Variants in LCE1E observed in about 807,000 individuals in gnomAD.
LCE1E encodes late cornified envelope protein 1E.
For missense variants in LCE1E, 144 were observed against 144.3 expected (o/e 1.00, Z 0.01); for synonymous variants, 61 against 55.0 (o/e 1.11, Z -0.48).
At position 152,787,325 on chromosome 1, in the gene LCE1E, A is replaced by G; in HGVS notation, c.26A>G (p.Gln9Arg). 2 of 1,614,168 alleles carry G rather than the reference A, an allele frequency of 1.2e-6. No homozygotes were observed. The highest frequency in any genetic ancestry group is 2.2e-5 in the East Asian group (1 of 44,870). ...ATGTCCTGCCAGCAGAGCCAGCAGC[A>G]GTGCCAGCCCCCTCCCAAGTGCACT... MSCQQSQQQCQPPPKCTPK... is the reference protein window; with the variant it reads MSCQQSQQRCQPPPKCTPK... Residue 9 changes from glutamine to arginine, a missense_variant, in exon 2 of 2, where the codon CAG (glutamine) becomes CGG (arginine). Coordinates refer to ENST00000368770, the MANE Select transcript of LCE1E (RefSeq NM_178353.2).
intron 1 of LCE1E, 77 bp from the exon 2 acceptor site, chr1:152,787,201 A>G: frequency 3.1e-6 from 4 of 1,300,002 alleles, no homozygotes; most frequent in Middle Eastern, 2.3e-4. Flanking sequence ...TTCCATAATT[A>G]CAAGTCATGC....
chr1:152,786,485 T>A (rs1272634201), intron 1 of LCE1E, 178 bp downstream of exon 1: 3 of 152,052 alleles, frequency 2.0e-5, no homozygotes, highest in Admixed American at 6.6e-5. Flanking sequence ...GGTGGAGCAG[T>A]CCTCTCAGGA....
Position 152,787,723 on chromosome 1 carries a change from G to C in LCE1E, c.*67G>C. 1 of 1,498,460 alleles carries C rather than the reference G, an allele frequency of 6.7e-7. No individual in the cohort carries two copies. Among genetic ancestry groups the C allele is most frequent in the Non-Finnish European group, 8.9e-7 (1 of 1,120,026 alleles). The allele number at this position is 1,498,460 out of a possible 1,614,324, so 92.8% of individuals were successfully genotyped here. On this transcript the variant is annotated 3_prime_UTR_variant, in exon 2 of 2. Coordinates refer to ENST00000368770, the MANE Select transcript of LCE1E (RefSeq NM_178353.2). Reference sequence around the variant, plus strand: ...AGCTGAGAGGTTCCAGCAAAAGCTTGAAGTCTTGCCTGGAGAATCCCTCTG... The same window carrying C: ...AGCTGAGAGGTTCCAGCAAAAGCTTCAAGTCTTGCCTGGAGAATCCCTCTG...
At chr1:152,787,218 T>C in intron 1 of LCE1E, 60 bp from the exon 2 acceptor site, 2 of 1,434,536 alleles carry the variant, frequency 1.4e-6, no homozygotes, top group Non-Finnish European at 1.9e-6. Flanking sequence ...ATGCTAAGAG[T>C]GTCAGAGGGG....
At chr1:152,787,202 C>T (rs1034109) in intron 1 of LCE1E, 76 bp from the exon 2 acceptor site, 645,953 of 1,293,290 alleles carry the variant, frequency 0.5, 164,881 homozygotes, top group African/African-American at 0.72. Flanking sequence ...TCCATAATTA[C>T]AAGTCATGCT....
Position 152,787,432 on chromosome 1 carries a change from A to G in LCE1E, c.133A>G (p.Ser45Gly), listed in dbSNP as rs200574179. ...GTGCCCTCCAGTCTCTTCCTGCTGC[A>G]GTGTCAGCTCCGGAGGCTGCTGTGG... ...PKCPPVSSCC[S>G]VSSGGCCGSS... The change falls in exon 2 of 2, where the codon AGT becomes GGT. Residue 45 changes from serine (S) to glycine (G), a missense_variant. Physicochemically the swap from Ser to Gly is moderately conservative, Grantham distance 56 (BLOSUM62 0). Transcript: ENST00000368770. The G allele has an allele frequency of 5.1e-5, 83 of 1,613,452 alleles. 1 individual carries two copies. Among genetic ancestry groups the G allele is most frequent in the Middle Eastern group, 1.7e-4 (1 of 6,056 alleles).
rs774318737 is a variant in LCE1E, at chr1:152,787,407, G to C, written c.108G>C (p.Lys36Asn). 16 of 1,613,902 alleles carry C rather than the reference G, an allele frequency of 9.9e-6. No homozygotes were observed. The South Asian group carries it at 1.6e-4, about 17-fold the overall frequency. Residue 36 changes from lysine to asparagine, a missense_variant, in exon 2 of 2, where the codon AAG becomes AAC. Physicochemically the swap from Lys to Asn is moderately conservative, Grantham distance 94. Transcript: ENST00000368770. ...AATGCCCTCCAAAGTGTCCCCCTAA[G>C]TGCCCTCCAGTCTCTTCCTGCTGCA... is the stretch of plus-strand genomic sequence containing the variant. ...TPKCPPKCPP[K>N]CPPVSSCCSV...
At chr1:152,786,946 T>C (rs1301117133) in intron 1 of LCE1E, among the ~76,000 whole-genome samples, 1 of 152,252 alleles carries the variant, frequency 6.6e-6, no homozygotes, top group Admixed American at 6.5e-5. Context: ...TTACTTTTTC[T>C]CTTTAAGAAA....
Position 152,787,620 on chromosome 1 carries a change from A to T in LCE1E, c.321A>T (p.Gly107=), listed in dbSNP as rs115864544. The T allele has an allele frequency of 0.14, 193,191 of 1,428,118 alleles. 27,484 individuals carry two copies. Among genetic ancestry groups the T allele is most frequent in the African/African-American group, 0.36 (24,181 of 68,004 alleles). 88.5% of individuals were successfully genotyped at this position (1,428,118 alleles called of 1,614,324 possible). ...CCTCAGGGGGCTCCAGCTGCTGTGG[A>T]GGGGGCAGCGGCCAGCACTCTGGAG... The part of the protein sequence containing the change: ...SQPSGGSSCC[G]GGSGQHSGGC... Residue 107 remains glycine, a synonymous_variant, in exon 2 of 2, where the codon GGA becomes GGT. Transcript: ENST00000368770.
Position 152,787,530 on chromosome 1 carries a change from G to T in LCE1E, c.231G>T (p.Leu77=), listed in dbSNP as rs146130217. 539 of 1,611,990 alleles carry T rather than the reference G, an allele frequency of 3.3e-4. 4 individuals carry two copies. In the African/African-American group the frequency reaches 6.6e-3, roughly 20 times the overall value. Residue 77 remains leucine, a synonymous_variant, in exon 2 of 2, where the codon CTG becomes CTT. Coordinates refer to ENST00000368770, the MANE Select transcript of LCE1E (RefSeq NM_178353.2). The part of the protein sequence containing the change: ...CCSSGGGGCC[L]SHHRHHRSHR... The stretch of plus-strand genomic sequence containing the variant: ...GCTCTGGGGGAGGTGGCTGCTGCCT[G>T]AGCCACCACAGGCACCACAGGTCCC...
In LCE1E at chr1:152,787,460, C is replaced by T. The variant is rs1175291373; in HGVS notation, c.161C>T (p.Ser54Phe). The change falls in exon 2 of 2, where the codon TCC (serine) becomes TTC (phenylalanine). Residue 54 changes from serine (S) to phenylalanine (F), a missense_variant. Physicochemically the swap from Ser to Phe is radical, Grantham distance 155. Coordinates refer to ENST00000368770, the MANE Select transcript of LCE1E (RefSeq NM_178353.2). ...GTCAGCTCCGGAGGCTGCTGTGGCT[C>T]CAGCTCTGGGGGCAGCTGTGGCTCC... ...CSVSSGGCCG[S>F]SSGGSCGSSS... 2 of 1,613,530 alleles carry T rather than the reference C, an allele frequency of 1.2e-6. No individual in the cohort carries two copies. The highest frequency in any genetic ancestry group is 1.1e-5 in the South Asian group (1 of 90,928).
chr1:152,786,743 T>C (rs190970526), intron 1 of LCE1E, among the ~76,000 whole-genome samples: 13 of 152,166 alleles, frequency 8.5e-5, no homozygotes, highest in Admixed American at 7.8e-4. Flanking sequence ...CCTGAGCAGG[T>C]GGTAAGCTGA....
rs1281312637 is a variant in LCE1E, at chr1:152,787,646, G to T, written c.347G>T (p.Gly116Val). 1 of 1,571,554 alleles carries T rather than the reference G, an allele frequency of 6.4e-7. No individual in the cohort carries two copies. Among genetic ancestry groups the T allele is most frequent in the Admixed American group, 1.9e-5 (1 of 53,482 alleles). Reference protein sequence around the residue: ...CGGGSGQHSGGCC With the variant: ...CGGGSGQHSGVCC ...GGGGGCAGCGGCCAGCACTCTGGAG[G>T]CTGCTGCTGAAGTGGACCTTGACTT... The change falls in exon 2 of 2, where the codon GGC becomes GTC. Residue 116 changes from glycine (G) to valine (V), a missense_variant. Coordinates refer to ENST00000368770, the MANE Select transcript of LCE1E (RefSeq NM_178353.2).
Position 152,787,570 on chromosome 1 carries a change from C to T in LCE1E, c.271C>T (p.Gln91Ter), listed in dbSNP as rs1557834986. The T allele has an allele frequency of 6.2e-7, 1 of 1,613,142 alleles. No individual in the cohort carries two copies. The highest frequency in any genetic ancestry group is 1.7e-5 in the Admixed American group (1 of 59,990). Residue 91 changes from glutamine (Q) to a stop codon, truncating the protein, a stop_gained, in exon 2 of 2, where the codon CAG becomes TAG. Transcript: ENST00000368770. LOFTEE classifies it high-confidence loss of function. ...RHHRSHRHRP[Q>*]SSDCCSQPSG... is the part of the protein sequence containing the mutation. ...CCACAGGTCCCACCGTCACAGACCC[C>T]AGAGCTCTGACTGCTGCAGCCAGCC...
In LCE1E at chr1:152,787,758, C is replaced by G. The variant is rs553233561; in HGVS notation, c.*102C>G. 3.0e-5 allele frequency: 41 copies of G among 1,370,944 alleles called. No individual in the cohort carries two copies. In the African/African-American group the frequency reaches 6.0e-4, roughly 20 times the overall value. The allele number at this position is 1,370,944 out of a possible 1,614,324, so 84.9% of individuals were successfully genotyped here. A position where few individuals can be genotyped will look rare whatever the true frequency, so the allele number is the denominator to read the frequency against. On this transcript the variant is annotated 3_prime_UTR_variant, in exon 2 of 2. Transcript: ENST00000368770. The stretch of plus-strand genomic sequence containing the variant: ...CTGGAGAATCCCTCTGCTCTGGTGT[C>G]AGGAAACCCAAAATCTTTCTCCTTA...
intron 1 of LCE1E, 143 bp from the exon 2 acceptor site, chr1:152,787,135 G>C (rs1397917491): frequency 1.2e-6 from 1 of 828,866 alleles, no homozygotes; most frequent in Non-Finnish European, 2.0e-6. Flanking sequence ...AGCTTGCAAA[G>C]AGATGATGAG....
intron 1 of LCE1E, 43 bp from the exon 2 acceptor site, chr1:152,787,235 T>C: frequency 6.6e-7 from 1 of 1,525,552 alleles, no homozygotes; most frequent in Non-Finnish European, 9.1e-7. Context: ...GGGGCAGAGG[T>C]GGCCTCTGCC....
In LCE1E at chr1:152,788,071, T is replaced by C. The variant is rs1651903849; in HGVS notation, c.*415T>C. The C allele has an allele frequency of 1.2e-5, 2 of 166,202 alleles. 1 individual carries two copies. Among genetic ancestry groups the C allele is most frequent in the Non-Finnish European group, 2.9e-5 (2 of 69,506 alleles). 10.3% of individuals were successfully genotyped at this position (166,202 alleles called of 1,614,324 possible). On this transcript the variant is annotated 3_prime_UTR_variant, in exon 2 of 2. Coordinates refer to ENST00000368770, the MANE Select transcript of LCE1E (RefSeq NM_178353.2). ...TTGCATTTCTGTGTGTTTTGTGTTT[T>C]TTCTTCTTTCGGTGTTTTCCTTTTA...
At position 152,787,773 on chromosome 1, in the gene LCE1E, C is replaced by T; in HGVS notation, c.*117C>T. 1.6e-6 allele frequency: 2 copies of T among 1,278,042 alleles called. No individual in the cohort carries two copies. The highest frequency in any genetic ancestry group is 1.1e-6 in the Non-Finnish European group (1 of 927,304). 79.2% of individuals were successfully genotyped at this position (1,278,042 alleles called of 1,614,324 possible). A position where few individuals can be genotyped will look rare whatever the true frequency, so the allele number is the denominator to read the frequency against. On this transcript the variant is annotated 3_prime_UTR_variant, in exon 2 of 2. Transcript: ENST00000368770. ...GCTCTGGTGTCAGGAAACCCAAAAT[C>T]TTTCTCCTTAATGGCATTTAGAGAC...
Sources: gnomAD v4.1 joint callset for allele counts (sites outside exome capture counted in the v4.1 genomes callset) on GRCh38, gnomAD v4.1.1 for gene constraint, MANE v1.5 for transcripts, NCBI Gene and HGNC (gene_info 2026-07-23, HGNC 2026-07-21) for gene names.